The following CACNA2D1 variants were observed in gnomAD, a reference collection of about 807,000 sequenced individuals.
CACNA2D1 encodes the protein voltage-dependent calcium channel subunit alpha-2/delta-1.
CACNA2D1 carries 53 observed loss-of-function variants against 171.5 expected under a neutral mutation model. That is an observed-to-expected ratio of 0.31 (90% CI 0.25 to 0.39). The LOEUF is 0.39. Ranked by LOEUF, CACNA2D1 falls within the 10% of genes least tolerant of loss-of-function variation. CACNA2D1 has a pLI of 1.00. For synonymous variants in CACNA2D1, 442 were observed against 443.1 expected (o/e 1.00, Z 0.03); for missense variants, 903 against 1,299.8 (o/e 0.69, Z 4.69).
intron 3 of CACNA2D1, among the ~76,000 whole-genome samples, chr7:82,185,485 GGAGGAGGGGGA>G (rs1797590697): frequency 4.9e-5 from 1 of 20,356 alleles, no homozygotes. Context: ...GGGAGGGGGA[GGAGGAGGGGGA>G]GGGGAGGGGG....
At chr7:82,205,618 C>T (rs1467662208) in intron 3 of CACNA2D1, among the ~76,000 whole-genome samples, 2 of 152,054 alleles carry the variant, frequency 1.3e-5, no homozygotes, top group African/African-American at 2.4e-5. Context: ...TGGTTACAAT[C>T]CAAATAGTCT....
At chr7:82,033,579 A>G (rs967650258) in intron 11 of CACNA2D1, among the ~76,000 whole-genome samples, 1 of 152,062 alleles carries the variant, frequency 6.6e-6, no homozygotes, top group African/African-American at 2.4e-5. Flanking sequence ...GTCACCTAAA[A>G]TGCAATGCTC....
At chr7:82,182,579 A>C (rs1797244360) in intron 3 of CACNA2D1, among the ~76,000 whole-genome samples, 1 of 151,716 alleles carries the variant, frequency 6.6e-6, no homozygotes, top group Admixed American at 6.6e-5. Flanking sequence ...TTTTAATTTT[A>C]AGAAGGAATA....
In CACNA2D1 at chr7:82,010,112, C is replaced by T. The variant is rs140515922; in HGVS notation, c.1362+2042G>A. 4.8e-3 allele frequency among the ~76,000 whole-genome samples: 725 copies of T among 152,176 alleles called. 9 individuals are homozygous for T. The highest frequency in any genetic ancestry group is 0.016 in the African/African-American group (684 of 41,534). On this transcript the variant is annotated intron_variant, in intron 15 of 38. Coordinates refer to ENST00000356860, the MANE Select transcript of CACNA2D1 (RefSeq NM_000722.4). ...AGCTAAAATGTCTCCATTTTCTTAA[C>T]CACAACCCACTTTGCCCCCAATATT...
chr7:82,145,669 T>G (rs1792943455), intron 4 of CACNA2D1, among the ~76,000 whole-genome samples: 1 of 146,364 alleles, frequency 6.8e-6, no homozygotes, highest in African/African-American at 2.5e-5. Context: ...TATATGCACA[T>G]ACATACATAC....
chr7:82,281,008 G>C (rs1266342812), intron 3 of CACNA2D1, among the ~76,000 whole-genome samples: 1 of 152,122 alleles, frequency 6.6e-6, no homozygotes, highest in African/African-American at 2.4e-5. Flanking sequence ...AACTCAAATT[G>C]GTCTGATCAT....
At chr7:82,424,266 C>T (rs1828976349) in intron 1 of CACNA2D1, among the ~76,000 whole-genome samples, 1 of 152,120 alleles carries the variant, frequency 6.6e-6, no homozygotes, top group African/African-American at 2.4e-5. Flanking sequence ...AGGGAAGCAC[C>T]TGTATGGAGT....
At chr7:81,992,000 C>CT (rs1797592550) in intron 20 of CACNA2D1, among the ~76,000 whole-genome samples, 1 of 102,892 alleles carries the variant, frequency 9.7e-6, no homozygotes, top group African/African-American at 6.0e-5. Context: ...ACGCCTGGCT[C>CT]ATTTTTTTTT....
At chr7:82,026,007 G>C (rs1033566077) in intron 12 of CACNA2D1, among the ~76,000 whole-genome samples, 1 of 148,000 alleles carries the variant, frequency 6.8e-6, no homozygotes, top group African/African-American at 2.5e-5. Context: ...TTGCTGGATT[G>C]ATGCTTTTAT....
At chr7:82,156,077 T>C (rs1191702583) in intron 4 of CACNA2D1, among the ~76,000 whole-genome samples, 1 of 152,174 alleles carries the variant, frequency 6.6e-6, no homozygotes, top group Non-Finnish European at 1.5e-5. Flanking sequence ...TAAGATTTGG[T>C]GTTAGCATAT....
chr7:82,033,983 T>G (rs1194116389), intron 11 of CACNA2D1, among the ~76,000 whole-genome samples: 1 of 152,220 alleles, frequency 6.6e-6, no homozygotes, highest in Admixed American at 6.6e-5. Flanking sequence ...AATTTTCTAA[T>G]AACTACTTTA....
chr7:82,316,140 C>A (rs560911149), intron 3 of CACNA2D1, among the ~76,000 whole-genome samples: 1 of 151,902 alleles, frequency 6.6e-6, no homozygotes, highest in African/African-American at 2.4e-5. Context: ...CTAAGAATTC[C>A]TAAAAGACAC....
At chr7:82,001,284 T>C (rs1043018317) in intron 18 of CACNA2D1, among the ~76,000 whole-genome samples, 3 of 152,210 alleles carry the variant, frequency 2.0e-5, no homozygotes, top group East Asian at 3.9e-4. Flanking sequence ...AACTGTCATA[T>C]AGGAATTGTA....
At chr7:82,066,575 C>T (rs374654771) in intron 7 of CACNA2D1, 51 bp from the exon 8 acceptor site, 14 of 1,541,362 alleles carry the variant, frequency 9.1e-6, no homozygotes, top group Admixed American at 2.0e-5. Context: ...TAGATATGCT[C>T]TAAAAATAAT....
intron 1 of CACNA2D1, among the ~76,000 whole-genome samples, chr7:82,438,765 G>T (rs1027017248): frequency 6.6e-6 from 1 of 152,180 alleles, no homozygotes; most frequent in African/African-American, 2.4e-5. Flanking sequence ...AGTAAATGTG[G>T]AGGCGATATA....
At chr7:82,177,604 A>G (rs796788482) in intron 3 of CACNA2D1, among the ~76,000 whole-genome samples, 4 of 129,694 alleles carry the variant, frequency 3.1e-5, no homozygotes, top group African/African-American at 9.8e-5. Context: ...GCCATTTCTA[A>G]GATTTTTTTC....
chr7:82,384,159 C>G (rs1013431428), intron 1 of CACNA2D1, among the ~76,000 whole-genome samples: 1 of 152,132 alleles, frequency 6.6e-6, no homozygotes, highest in Non-Finnish European at 1.5e-5. Context: ...CAATTGAAGA[C>G]GTCACCAGGG....
At chr7:82,329,750 G>A (rs1817074668) in intron 3 of CACNA2D1, among the ~76,000 whole-genome samples, 1 of 152,086 alleles carries the variant, frequency 6.6e-6, no homozygotes, top group Non-Finnish European at 1.5e-5. Context: ...GCCAGTTCCT[G>A]AGATATAGAC....
chr7:82,188,830 C>T (rs757873145), intron 3 of CACNA2D1, among the ~76,000 whole-genome samples: 41 of 151,936 alleles, frequency 2.7e-4, no homozygotes, highest in Admixed American at 7.9e-4. Context: ...TGGAATACTA[C>T]GCAGCTACAA....
Sources: allele counts gnomAD v4.1 joint callset (sites outside exome capture counted in the v4.1 genomes callset), GRCh38; gene constraint gnomAD v4.1.1; transcripts MANE v1.5; gene names NCBI Gene and HGNC (gene_info 2026-07-23, HGNC 2026-07-21).